NXPH1: variants seen among roughly 807,000 people sequenced by gnomAD.
NXPH1 encodes neurexophilin 1.
A neutral mutation model predicts 23.7 loss-of-function variants in NXPH1; 5 were observed. The ratio of observed to expected loss-of-function variants is 0.21; its 90% CI spans 0.11 to 0.44. The LOEUF is 0.44. NXPH1 is among the 20% of genes least tolerant of loss of function. The probability of loss-of-function intolerance (pLI) is 0.99; values close to 1 mark genes in which losing one functional copy is unlikely to be tolerated. For missense variants in NXPH1, 324 were observed against 321.6 expected, an observed-to-expected ratio of 1.01 and a Z score of -0.06; for synonymous variants, 144 against 122.2, an observed-to-expected ratio of 1.18 and a Z score of -1.18.
chr7:8,547,254 T>G (rs1051782338), intron 2 of NXPH1, among the ~76,000 whole-genome samples: 4 of 151,436 alleles, frequency 2.6e-5, no homozygotes, highest in African/African-American at 9.7e-5. Context: ...GATAGTGGCC[T>G]TAACGTCATT....
At chr7:8,628,475 T>A (rs1820046121) in intron 2 of NXPH1, among the ~76,000 whole-genome samples, 1 of 151,092 alleles carries the variant, frequency 6.6e-6, no homozygotes, top group South Asian at 2.1e-4. Flanking sequence ...ATCAAACATT[T>A]AAGAGGAAAG....
chr7:8,675,972 A>G (rs965351675), intron 2 of NXPH1, among the ~76,000 whole-genome samples: 6 of 152,002 alleles, frequency 3.9e-5, no homozygotes, highest in Non-Finnish European at 7.4e-5. Flanking sequence ...AGTTTTCTAT[A>G]CTGTTTGGCT....
At chr7:8,626,886 A>G (rs1291821588) in intron 2 of NXPH1, among the ~76,000 whole-genome samples, 2 of 151,886 alleles carry the variant, frequency 1.3e-5, no homozygotes, top group African/African-American at 2.4e-5. Context: ...TATTCTTCCT[A>G]TACACCTCTG....
chr7:8,557,354 A>G (rs1472993176), intron 2 of NXPH1, among the ~76,000 whole-genome samples: 1 of 151,748 alleles, frequency 6.6e-6, no homozygotes, highest in Non-Finnish European at 1.5e-5. Flanking sequence ...CAAATATCTC[A>G]TAACAATGTC....
chr7:8,452,023 C>G (rs1472320148), intron 2 of NXPH1, among the ~76,000 whole-genome samples: 1 of 152,140 alleles, frequency 6.6e-6, no homozygotes, highest in East Asian at 1.9e-4. Context: ...CAGTTAGTTA[C>G]TGGAAAAGCT....
chr7:8,586,867 A>G (rs1023739004), intron 2 of NXPH1, among the ~76,000 whole-genome samples: 12 of 152,122 alleles, frequency 7.9e-5, no homozygotes, highest in Admixed American at 2.6e-4. Flanking sequence ...GCATCAGACT[A>G]TGAAGGAGAA....
At chr7:8,663,799 T>C (rs1820718044) in intron 2 of NXPH1, among the ~76,000 whole-genome samples, 1 of 152,106 alleles carries the variant, frequency 6.6e-6, no homozygotes, top group South Asian at 2.1e-4. Flanking sequence ...CAATGTCTGA[T>C]AGTCTTAATT....
At chr7:8,668,772 G>C (rs571760579) in intron 2 of NXPH1, among the ~76,000 whole-genome samples, 1 of 151,870 alleles carries the variant, frequency 6.6e-6, no homozygotes, top group African/African-American at 2.4e-5. Flanking sequence ...TGTGTTCATG[G>C]GGGCAAGTAT....
At chr7:8,613,017 G>T (rs1455162483) in intron 2 of NXPH1, among the ~76,000 whole-genome samples, 1 of 151,942 alleles carries the variant, frequency 6.6e-6, no homozygotes, top group African/African-American at 2.4e-5. Flanking sequence ...AATAAAGATG[G>T]TCAGTGTGTT....
intron 2 of NXPH1, among the ~76,000 whole-genome samples, chr7:8,624,058 A>T (rs530661136): frequency 6.6e-6 from 1 of 152,234 alleles, no homozygotes; most frequent in African/African-American, 2.4e-5. Context: ...GGGAAGGGGG[A>T]TAAATAGGTC....
chr7:8,595,775 T>G (rs549564271), intron 2 of NXPH1, among the ~76,000 whole-genome samples: 2 of 152,076 alleles, frequency 1.3e-5, no homozygotes, highest in East Asian at 3.9e-4. Flanking sequence ...GGTTTTCTTT[T>G]GAATTTTTCA....
chr7:8,726,874 T>C (rs951744952), intron 2 of NXPH1, among the ~76,000 whole-genome samples: 4 of 152,076 alleles, frequency 2.6e-5, no homozygotes, highest in Non-Finnish European at 4.4e-5. Flanking sequence ...CTGGGTCAAA[T>C]GGCGTTTCTA....
At chr7:8,662,182 A>G (rs1224682590) in intron 2 of NXPH1, among the ~76,000 whole-genome samples, 1 of 78,062 alleles carries the variant, frequency 1.3e-5, no homozygotes, top group Non-Finnish European at 2.7e-5. Flanking sequence ...ATATATATAT[A>G]TATATATACA....
intron 2 of NXPH1, among the ~76,000 whole-genome samples, chr7:8,474,454 C>T (rs1159928396): frequency 1.3e-5 from 2 of 152,076 alleles, no homozygotes; most frequent in Non-Finnish European, 2.9e-5. Context: ...ATAATAGACT[C>T]ATGCTACCAT....
At chr7:8,449,503 A>G (rs1014322599) in intron 2 of NXPH1, among the ~76,000 whole-genome samples, 4 of 152,170 alleles carry the variant, frequency 2.6e-5, no homozygotes, top group African/African-American at 9.7e-5. Flanking sequence ...GACATGTACT[A>G]TTAATATTAG....
At chr7:8,704,492 C>T (rs555817872) in intron 2 of NXPH1, among the ~76,000 whole-genome samples, 194 of 152,144 alleles carry the variant, frequency 1.3e-3, no homozygotes, top group Non-Finnish European at 2.4e-3. Context: ...CTTCTATAAG[C>T]CAGAGATGAT....
intron 2 of NXPH1, among the ~76,000 whole-genome samples, chr7:8,619,080 C>G (rs1005066508): frequency 6.6e-6 from 1 of 152,166 alleles, no homozygotes; most frequent in African/African-American, 2.4e-5. Context: ...TATTTTCTCT[C>G]TCTAAGAAGG....
At chr7:8,550,973 T>G (rs1422107704) in intron 2 of NXPH1, among the ~76,000 whole-genome samples, 1 of 151,484 alleles carries the variant, frequency 6.6e-6, no homozygotes, top group Non-Finnish European at 1.5e-5. Flanking sequence ...TTAAAAATTA[T>G]TTTTAGGATA....
rs563148862 is a variant in NXPH1 at position 8,471,592 on chromosome 7, A to C, written c.54+35825A>C. The stretch of plus-strand genomic sequence containing the variant: ...CCTACAGAAAAGATCTTGACTTGGC[A>C]TGGAACAGTAGGAGGAAGGATTCAT... On this transcript the variant is annotated intron_variant, in intron 2 of 2. Coordinates refer to ENST00000405863, the MANE Select transcript of NXPH1 (RefSeq NM_152745.3). Among the ~76,000 whole-genome samples, 39 of 152,254 alleles carry C rather than the reference A, an allele frequency of 2.6e-4. 1 individual carries two copies. In the South Asian group the frequency reaches 7.7e-3, roughly 30 times the overall value.
Sources: gnomAD v4.1 joint callset for allele counts (sites outside exome capture counted in the v4.1 genomes callset) on GRCh38, gnomAD v4.1.1 for gene constraint, MANE v1.5 for transcripts, NCBI Gene and HGNC (gene_info 2026-07-23, HGNC 2026-07-21) for gene names.